Variants in CNTFR observed in about 807,000 individuals in gnomAD.
The protein encoded by CNTFR is ciliary neurotrophic factor receptor subunit alpha.
CNTFR carries 12 observed loss-of-function variants against 40.4 expected under a neutral mutation model. The ratio of observed to expected loss-of-function variants is 0.30; its 90% CI spans 0.19 to 0.48. CNTFR has a LOEUF of 0.48. Among genes scored for constraint, CNTFR ranks in the 20% least tolerant of loss-of-function variants. CNTFR has a pLI of 0.99. For missense variants in CNTFR, 414 were observed against 506.8 expected, an observed-to-expected ratio of 0.82 and a Z score of 1.76; for synonymous variants, 202 against 209.6, an observed-to-expected ratio of 0.96 and a Z score of 0.31.
At chr9:34,559,528 C>A (rs1361108019) in intron 4 of CNTFR, among the ~76,000 whole-genome samples, 1 of 152,226 alleles carries the variant, frequency 6.6e-6, no homozygotes. Context: ...GCCTTCCGGG[C>A]CCTGCGTCCA....
In CNTFR at chr9:34,568,969, C is replaced by A; in HGVS notation, c.13G>T (p.Val5Phe). The A allele has an allele frequency of 6.3e-7, 1 of 1,594,334 alleles. No homozygotes were observed. The highest frequency in any genetic ancestry group is 8.5e-7 in the Non-Finnish European group (1 of 1,170,992). Reference sequence around the variant, plus strand: ...AGCACAGCACAGCAGGCCCACGGGACAGGAGCAGCCATCTGTTGGGAGAAA... The same window carrying A: ...AGCACAGCACAGCAGGCCCACGGGAAAGGAGCAGCCATCTGTTGGGAGAAA... The part of the protein sequence containing the change: MAAP[V>F]PWACCAVLAA... The change falls in exon 3 of 10, where the codon GTC becomes TTC. Residue 5 changes from valine (V) to phenylalanine (F), a missense_variant. Physicochemically the swap from Val to Phe is conservative, Grantham distance 50 (BLOSUM62 -1). Transcript: ENST00000378980.
intron 1 of CNTFR, among the ~76,000 whole-genome samples, chr9:34,587,287 T>C (rs1564078552): frequency 6.6e-6 from 1 of 152,198 alleles, no homozygotes; most frequent in Admixed American, 6.5e-5. Flanking sequence ...GTGGCTTATA[T>C]GGAGTCCTAG....
intron 4 of CNTFR, among the ~76,000 whole-genome samples, chr9:34,561,863 T>C (rs1826090397): frequency 6.6e-6 from 1 of 152,136 alleles, no homozygotes; most frequent in African/African-American, 2.4e-5. Flanking sequence ...AAGGAAATAA[T>C]GCAATGAGAG....
intron 4 of CNTFR, among the ~76,000 whole-genome samples, chr9:34,563,758 G>C (rs141769560): frequency 6.6e-6 from 1 of 151,860 alleles, no homozygotes; most frequent in African/African-American, 2.4e-5. Flanking sequence ...CCAATTCTTC[G>C]ACGTCCAACT....
intron 4 of CNTFR, among the ~76,000 whole-genome samples, chr9:34,559,454 G>C (rs1825979788): frequency 6.6e-6 from 1 of 152,184 alleles, no homozygotes; most frequent in Non-Finnish European, 1.5e-5. Context: ...GGAAAGCGGG[G>C]TCCAGCTGAG....
At chr9:34,562,345 CAG>C (rs1210829502) in intron 4 of CNTFR, among the ~76,000 whole-genome samples, 1 of 152,212 alleles carries the variant, frequency 6.6e-6, no homozygotes, top group Non-Finnish European at 1.5e-5. Flanking sequence ...AGCTGGCCAA[CAG>C]GGGTCACTCC....
Position 34,551,967 on chromosome 9 carries a change from A to T in CNTFR, c.*104T>A, listed in dbSNP as rs576901801. 3.4e-4 allele frequency: 256 copies of T among 756,998 alleles called. No homozygotes were observed. Among genetic ancestry groups the T allele is most frequent in the Non-Finnish European group, 5.3e-4 (226 of 422,972 alleles). 46.9% of individuals were successfully genotyped at this position (756,998 alleles called of 1,614,324 possible). A position where few individuals can be genotyped will look rare whatever the true frequency, so the allele number is the denominator to read the frequency against. On this transcript the variant is annotated 3_prime_UTR_variant, in exon 10 of 10. Transcript: ENST00000378980. ...AAATTGTGTCTGAAGAGAATGCAAAAGGTCCTCCTGCCCGTGTGCAAAATA... is the reference window on the plus strand; with the variant it reads ...AAATTGTGTCTGAAGAGAATGCAAATGGTCCTCCTGCCCGTGTGCAAAATA...
Position 34,552,897 on chromosome 9 carries a change from G to A in CNTFR, c.769-43C>T. On this transcript the variant is annotated intron_variant, in intron 7 of 9. Transcript: ENST00000378980. This position sits in a 1 kb window ranked among gnomAD's most constrained non-coding sequence, Gnocchi z 5.1. Reference sequence around the variant, plus strand: ...GGTGGGGGTAAGGACACACCTGGGGGCCAGGAGGGTGAGGTCCCTCCAGAG... The same window carrying A: ...GGTGGGGGTAAGGACACACCTGGGGACCAGGAGGGTGAGGTCCCTCCAGAG... The A allele has an allele frequency of 6.3e-7, 1 of 1,591,170 alleles. No individual in the cohort carries two copies. Among genetic ancestry groups the A allele is most frequent in the Non-Finnish European group, 8.5e-7 (1 of 1,173,564 alleles).
chr9:34,561,916 CT>C (rs1171739736), intron 4 of CNTFR, among the ~76,000 whole-genome samples: 1 of 152,238 alleles, frequency 6.6e-6, no homozygotes, highest in African/African-American at 2.4e-5. Flanking sequence ...CATGGCCAGC[CT>C]TCATCTGGCA....
intron 7 of CNTFR, among the ~76,000 whole-genome samples, chr9:34,554,592 C>G (rs1212882443): frequency 1.3e-5 from 2 of 152,220 alleles, no homozygotes; most frequent in South Asian, 2.1e-4. Flanking sequence ...CAGACACGCC[C>G]TCCAGGCCAT....
chr9:34,564,743 C>G lies in CNTFR; in HGVS notation c.175G>C (p.Val59Leu). 6.2e-7 allele frequency: 1 copy of G among 1,614,128 alleles called. No individual in the cohort carries two copies. The highest frequency in any genetic ancestry group is 1.3e-5 in the African/African-American group (1 of 75,026). ...TCAGGGGCCAGGTCTGTCCCATTTACCCGCCACGTCACCGCAGCATCCCAG... is the reference window on the plus strand; with the variant it reads ...TCAGGGGCCAGGTCTGTCCCATTTAGCCGCCACGTCACCGCAGCATCCCAG... The part of the protein sequence containing the change: ...ANWDAAVTWR[V>L]NGTDLAPDLL... The change falls in exon 4 of 10, where the codon GTA becomes CTA. Residue 59 changes from valine (V) to leucine (L), a missense_variant. Physicochemically the swap from Val to Leu is conservative, Grantham distance 32. This residue lies in a region of CNTFR where 250 missense variants were observed against 269.5 expected (regional missense o/e 0.93). Transcript: ENST00000378980.
chr9:34,565,283 G>C (rs993338552), intron 3 of CNTFR, among the ~76,000 whole-genome samples: 1 of 151,936 alleles, frequency 6.6e-6, no homozygotes, highest in Non-Finnish European at 1.5e-5. Context: ...TGGCATTGAG[G>C]GGCCCCACTC....
chr9:34,578,726 A>G (rs1386863477), intron 2 of CNTFR, among the ~76,000 whole-genome samples: 3 of 152,192 alleles, frequency 2.0e-5, no homozygotes, highest in African/African-American at 7.2e-5. Context: ...TAAAGCAGGA[A>G]CTTCAGCCAG....
Position 34,571,720 on chromosome 9 carries a change from G to A in CNTFR, c.1-2739C>T, listed in dbSNP as rs146741648. Among the ~76,000 whole-genome samples the A allele has an allele frequency of 6.5e-3, 993 of 152,242 alleles. 7 individuals are homozygous for A. The highest frequency in any genetic ancestry group is 0.023 in the African/African-American group (959 of 41,524). On this transcript the variant is annotated intron_variant, in intron 2 of 9. Coordinates refer to ENST00000378980, the MANE Select transcript of CNTFR (RefSeq NM_147164.3). ...GGGAGACGGGTGCTGCTGAGAGTGA[G>A]TGCTGCAGAGTGGGGATGGGGTGCC...
chr9:34,579,478 G>A (rs1827178401), intron 2 of CNTFR, among the ~76,000 whole-genome samples: 1 of 152,080 alleles, frequency 6.6e-6, no homozygotes, highest in Non-Finnish European at 1.5e-5. Context: ...AGAGAGATGG[G>A]CCCTAGAAGA....
chr9:34,589,857 T>C (rs1373636113), upstream of CNTFR: 1 of 85,562 alleles, frequency 1.2e-5, no homozygotes, highest in African/African-American at 4.5e-5. This position sits in a 1 kb window ranked among gnomAD's most constrained non-coding sequence, Gnocchi z 4.4. Context: ...CCCCTCCCCC[T>C]CTTGCCTTGT....
chr9:34,552,532 T>C lies in CNTFR; in HGVS notation c.949+142A>G. On this transcript the variant is annotated intron_variant, in intron 8 of 9. Coordinates refer to ENST00000378980, the MANE Select transcript of CNTFR (RefSeq NM_147164.3). This position sits in a 1 kb window ranked among gnomAD's most constrained non-coding sequence, Gnocchi z 5.1. ...ATGTCCAGATAGCAAGGACCAGGAA[T>C]GGCAGGAGTTGGACAGACAGGCAGA... The C allele has an allele frequency of 6.8e-6, 7 of 1,033,498 alleles. No individual in the cohort carries two copies. In the South Asian group the frequency reaches 9.9e-5, roughly 15 times the overall value. The allele number at this position is 1,033,498 out of a possible 1,614,324, so 64.0% of individuals were successfully genotyped here.
chr9:34,585,095 C>T (rs1200522463), intron 1 of CNTFR, among the ~76,000 whole-genome samples: 1 of 152,184 alleles, frequency 6.6e-6, no homozygotes. Flanking sequence ...GGCACATGGT[C>T]GTGCCCACAG....
At chr9:34,576,509 C>A (rs144163901) in intron 2 of CNTFR, among the ~76,000 whole-genome samples, 1 of 152,290 alleles carries the variant, frequency 6.6e-6, no homozygotes, top group African/African-American at 2.4e-5. Flanking sequence ...CCTAGCCGTG[C>A]CTGAGGGGAG....
Sources: gnomAD v4.1 joint callset for allele counts (sites outside exome capture counted in the v4.1 genomes callset) on GRCh38, gnomAD v4.1.1 for gene constraint, gnomAD v4.1.1 regional missense constraint, Gnocchi (gnomAD v3.1) non-coding constraint, MANE v1.5 for transcripts, NCBI Gene and HGNC (gene_info 2026-07-23, HGNC 2026-07-21) for gene names.